The following TMEM74 variants were observed in gnomAD, a reference collection of about 807,000 sequenced individuals.
The protein encoded by TMEM74 is transmembrane protein 74.
A neutral mutation model predicts 18.1 loss-of-function variants in TMEM74; 13 were observed. The observed-to-expected ratio is 0.72, with a 90% CI of 0.47 to 1.14. TMEM74 has a LOEUF of 1.14. Among genes scored for constraint, TMEM74 ranks in the 50% most tolerant of loss-of-function variants. The probability of loss-of-function intolerance (pLI) is 0.00; values close to 1 mark genes in which losing one functional copy is unlikely to be tolerated. For missense variants in TMEM74, 372 were observed against 375.9 expected (o/e 0.99, Z 0.09); for synonymous variants, 159 against 146.6 (o/e 1.08, Z -0.61).
chr8:108,658,176 G>A (rs985626149), intron 1 of TMEM74, among the ~76,000 whole-genome samples: 7 of 151,748 alleles, frequency 4.6e-5, no homozygotes, highest in African/African-American at 1.7e-4. Context: ...CTGGATCATC[G>A]TGGTACAGTG....
chr8:108,624,954 CAGAG>C (rs939852998), intron 2 of TMEM74, among the ~76,000 whole-genome samples: 1 of 151,986 alleles, frequency 6.6e-6, no homozygotes, highest in Non-Finnish European at 1.5e-5. Flanking sequence ...TGTAGGAAGA[CAGAG>C]AGAGAGCCAT....
intron 1 of TMEM74, among the ~76,000 whole-genome samples, chr8:108,720,012 A>G (rs1813570343): frequency 6.6e-6 from 1 of 152,122 alleles, no homozygotes; most frequent in Non-Finnish European, 1.5e-5. Context: ...TATTCTCATG[A>G]TAATTATGTC....
chr8:108,640,305 G>C (rs188446223), intron 2 of TMEM74, among the ~76,000 whole-genome samples: 2 of 151,310 alleles, frequency 1.3e-5, no homozygotes, highest in African/African-American at 4.8e-5. Flanking sequence ...GTAGAGACAG[G>C]GTTTCACCAT....
chr8:108,768,086 C>A (rs890997384), intron 1 of TMEM74, among the ~76,000 whole-genome samples: 15 of 152,138 alleles, frequency 9.9e-5, no homozygotes, highest in Admixed American at 5.9e-4. Flanking sequence ...CAGCCTTACT[C>A]CAGTTCTCCA....
rs140171527 is a variant in TMEM74 at position 108,742,431 on chromosome 8, A to G, written n.119+45045T>C. On this transcript the variant is annotated intron_variant and non_coding_transcript_variant, in intron 1 of 3. Transcript: ENST00000518838. ...ATGCTATGATAGCTATTACCACACT[A>G]TCTTTCATTTATTAGATTCCTGTTT... Among the ~76,000 whole-genome samples the G allele has an allele frequency of 3.1e-3, 477 of 152,298 alleles. 1 individual carries two copies. The highest frequency in any genetic ancestry group is 0.011 in the African/African-American group (452 of 41,566).
At chr8:108,765,407 CTTTTT>C (rs61334796) in intron 1 of TMEM74, among the ~76,000 whole-genome samples, 1 of 120,730 alleles carries the variant, frequency 8.3e-6, no homozygotes, top group African/African-American at 3.1e-5. Flanking sequence ...TTTGGAACTA[CTTTTT>C]TTTTTTTTTT....
chr8:108,744,475 G>GGAAA (rs1813830431), intron 1 of TMEM74, among the ~76,000 whole-genome samples: 1 of 152,128 alleles, frequency 6.6e-6, no homozygotes. Context: ...CCTTAAAGGG[G>GGAAA]GAAAGGCAGG....
At chr8:108,674,981 T>C (rs780909014) in intron 1 of TMEM74, among the ~76,000 whole-genome samples, 7 of 152,278 alleles carry the variant, frequency 4.6e-5, no homozygotes, top group Middle Eastern at 3.4e-3. Flanking sequence ...CAACCCTCAG[T>C]TGTGAAAAGT....
At chr8:108,633,973 G>A (rs1237672241) in intron 2 of TMEM74, among the ~76,000 whole-genome samples, 1 of 151,972 alleles carries the variant, frequency 6.6e-6, no homozygotes, top group African/African-American at 2.4e-5. Context: ...CAGAAATCTT[G>A]AAGAAAAGTA....
At chr8:108,644,200 A>C in intron 2 of TMEM74, among the ~76,000 whole-genome samples, 1 of 152,108 alleles carries the variant, frequency 6.6e-6, no homozygotes, top group South Asian at 2.1e-4. Context: ...TAAAACCGCA[A>C]ACCTACAGCC....
intron 2 of TMEM74, among the ~76,000 whole-genome samples, chr8:108,646,992 C>T (rs1812726704): frequency 6.6e-6 from 1 of 152,120 alleles, no homozygotes. Flanking sequence ...TGGTTACAGG[C>T]ACACCAAGTA....
chr8:108,699,569 A>G (rs143337502), intron 1 of TMEM74, among the ~76,000 whole-genome samples: 108 of 152,278 alleles, frequency 7.1e-4, no homozygotes, highest in African/African-American at 2.5e-3. Context: ...ATTATATTGA[A>G]ATAATAGACA....
intron 1 of TMEM74, among the ~76,000 whole-genome samples, chr8:108,693,046 G>T (rs200222371): frequency 2.6e-5 from 4 of 152,170 alleles, no homozygotes; most frequent in Admixed American, 2.0e-4. Flanking sequence ...TTTGAGACTT[G>T]GATGATGAAA....
At chr8:108,769,983 C>T (rs1289460657) in intron 1 of TMEM74, among the ~76,000 whole-genome samples, 3 of 151,612 alleles carry the variant, frequency 2.0e-5, no homozygotes, top group Non-Finnish European at 2.9e-5. Flanking sequence ...ATTACAGTGC[C>T]CTACAAATAT....
At chr8:108,636,016 A>T (rs1812603408) in intron 2 of TMEM74, among the ~76,000 whole-genome samples, 1 of 152,038 alleles carries the variant, frequency 6.6e-6, no homozygotes, top group Non-Finnish European at 1.5e-5. Context: ...GAGTCCTTTC[A>T]TATACATTAT....
intron 2 of TMEM74, chr8:108,652,774 A>G (rs1401256482): frequency 3.8e-6 from 2 of 530,578 alleles, no homozygotes; most frequent in African/African-American, 3.9e-5. Context: ...CTGTGTATCA[A>G]TTTGAGTATG....
rs73313563 is a variant in TMEM74 at position 108,783,154 on chromosome 8, G to A, written c.*1027C>T. ...AAGGACTGTTGCTACCATGAGGGAA[G>A]TGCTCGTTGCTTGGCCTACAGCAAG... On this transcript the variant is annotated 3_prime_UTR_variant, in exon 2 of 2. Transcript: ENST00000297459. 0.019 allele frequency among the ~76,000 whole-genome samples: 2,870 copies of A among 152,096 alleles called. 62 individuals are homozygous for A. Among genetic ancestry groups the A allele is most frequent in the African/African-American group, 0.045 (1,846 of 41,468 alleles).
chr8:108,668,821 A>G (rs1252828691), intron 1 of TMEM74, among the ~76,000 whole-genome samples: 4 of 152,044 alleles, frequency 2.6e-5, no homozygotes, highest in African/African-American at 4.8e-5. Context: ...TGAGACTCCA[A>G]ATTTCATCAT....
rs187336694 is a variant in TMEM74 at position 108,694,213 on chromosome 8, T to A, written n.120-38776A>T. ...TCAATGGCATTTAGTACATTCACAA[T>A]GTTGTGCAACCACTACCTCTATCTA... On this transcript the variant is annotated intron_variant and non_coding_transcript_variant, in intron 1 of 3. Coordinates refer to the TMEM74 transcript ENST00000518838. Among the ~76,000 whole-genome samples the A allele has an allele frequency of 3.3e-3, 496 of 152,336 alleles. 4 individuals carry two copies. Among genetic ancestry groups the A allele is most frequent in the Non-Finnish European group, 5.9e-3 (399 of 68,024 alleles).
Sources: allele counts gnomAD v4.1 joint callset (sites outside exome capture counted in the v4.1 genomes callset), GRCh38; gene constraint gnomAD v4.1.1; transcripts MANE v1.5; gene names NCBI Gene and HGNC (gene_info 2026-07-23, HGNC 2026-07-21).